The following XRRA1 variants were observed in gnomAD, a reference collection of about 807,000 sequenced individuals.
XRRA1 encodes the protein X-ray radiation resistance associated 1.
Under a neutral mutation model 80.2 loss-of-function variants are expected in XRRA1, and 69 were observed. That is an observed-to-expected ratio of 0.86 (90% confidence interval 0.71 to 1.05). XRRA1 has a LOEUF of 1.05. XRRA1 is among the 50% of genes least tolerant of loss of function. XRRA1 has a pLI of 0.00. For missense variants in XRRA1, 967 were observed against 976.4 expected (o/e 0.99, Z 0.13); for synonymous variants, 348 against 389.9 (o/e 0.89, Z 1.27).
chr11:74,906,851 C>G, intron 9 of XRRA1: 1 of 406,172 alleles, frequency 2.5e-6, no homozygotes, highest in Non-Finnish European at 4.4e-6. Flanking sequence ...AAAAAATTTT[C>G]CTGTCTCTAC....
chr11:74,910,854 G>A (rs1017742792), intron 8 of XRRA1: 2 of 152,292 alleles, frequency 1.3e-5, no homozygotes, highest in African/African-American at 2.4e-5. Flanking sequence ...GTGATTGAAT[G>A]TATGTGTGGA....
At chr11:74,891,771 G>A (rs1459145320) in intron 10 of XRRA1, among the ~76,000 whole-genome samples, 1 of 151,952 alleles carries the variant, frequency 6.6e-6, no homozygotes, top group Admixed American at 6.5e-5. Flanking sequence ...CAGACAAACA[G>A]AGAGCCAAAT....
intron 3 of XRRA1, among the ~76,000 whole-genome samples, chr11:74,939,849 GAGAGAGAGAGAGAGCGAGAGCA>G (rs1375869281): frequency 9.9e-5 from 15 of 151,816 alleles, no homozygotes; most frequent in Admixed American, 2.0e-4. Flanking sequence ...GACATAGAGA[GAGAGAGAGAGAGAGCGAGAGCA>G]AGAGAGAGAG....
chr11:74,892,334 G>C (rs2050987951), intron 10 of XRRA1, among the ~76,000 whole-genome samples: 1 of 152,284 alleles, frequency 6.6e-6, no homozygotes, highest in East Asian at 1.9e-4. Context: ...AGTGGTGCCG[G>C]GAAAACTGCC....
At chr11:74,886,271 T>C (rs76799207) in intron 10 of XRRA1, among the ~76,000 whole-genome samples, 3,225 of 152,278 alleles carry the variant, frequency 0.021, 107 homozygotes, top group African/African-American at 0.074. Flanking sequence ...GAAGTCAGAC[T>C]ATCTCTGTTT....
At chr11:74,934,014 C>A in intron 4 of XRRA1, 142 bp from the exon 5 acceptor site, 1 of 755,986 alleles carries the variant, frequency 1.3e-6, no homozygotes, top group South Asian at 2.0e-5. Flanking sequence ...TTCATTCATT[C>A]ATTATTCATC....
At chr11:74,905,235 G>C (rs867408749) in intron 10 of XRRA1, among the ~76,000 whole-genome samples, 1 of 151,974 alleles carries the variant, frequency 6.6e-6, no homozygotes, top group African/African-American at 2.4e-5. Flanking sequence ...ATAGGGTCTC[G>C]TTCTGTCATC....
At chr11:74,905,118 A>G (rs1175923437) in intron 10 of XRRA1, among the ~76,000 whole-genome samples, 2 of 152,156 alleles carry the variant, frequency 1.3e-5, no homozygotes, top group African/African-American at 2.4e-5. Context: ...CAGTGGCGTG[A>G]TCATAGCTCA....
At chr11:74,883,238 A>G (rs998469294) in intron 10 of XRRA1, among the ~76,000 whole-genome samples, 1 of 152,240 alleles carries the variant, frequency 6.6e-6, no homozygotes, top group African/African-American at 2.4e-5. Flanking sequence ...AGCCCGTTGG[A>G]AAAGCGCAGT....
Position 74,843,324 on chromosome 11 carries a change from A to T in XRRA1, c.2279T>A (p.Phe760Tyr), listed in dbSNP as rs775559033. The T allele has an allele frequency of 3.7e-6, 6 of 1,607,820 alleles. No homozygotes were observed. In the South Asian group the frequency reaches 6.7e-5, roughly 18 times the overall value. Residue 760 changes from phenylalanine to tyrosine, a missense_variant, in exon 19 of 19, where the codon TTC becomes TAC. Phe to Tyr is a conservative substitution (Grantham distance 22). Transcript: ENST00000684022. ...QLVSGSLRTV[F>Y]GTTPLPMACP... ...GGCCATGGGGAGCGGGGTAGTCCCG[A>T]ACACTGTGCGCAGAGAGCCACTCAC...
intron 10 of XRRA1, among the ~76,000 whole-genome samples, chr11:74,896,130 T>G (rs1283224752): frequency 6.6e-6 from 1 of 152,190 alleles, no homozygotes; most frequent in African/African-American, 2.4e-5. Flanking sequence ...AAACAGAAGT[T>G]TGAGAAAAGC....
chr11:74,919,699 T>C, intron 8 of XRRA1: 1 of 516,842 alleles, frequency 1.9e-6, no homozygotes, highest in Non-Finnish European at 3.8e-6. Context: ...GGAGTGGGCT[T>C]CAAGAAGCAT....
At chr11:74,864,421 C>T (rs2042950234) in intron 10 of XRRA1, among the ~76,000 whole-genome samples, 1 of 152,204 alleles carries the variant, frequency 6.6e-6, no homozygotes, top group South Asian at 2.1e-4. Context: ...CACACCCGCC[C>T]ACAGTCAAAA....
chr11:74,904,863 A>G (rs1192631640), intron 10 of XRRA1, among the ~76,000 whole-genome samples: 1 of 151,610 alleles, frequency 6.6e-6, no homozygotes, highest in Non-Finnish European at 1.5e-5. Flanking sequence ...CACAAACCTA[A>G]TAACAGAGAA....
intron 10 of XRRA1, among the ~76,000 whole-genome samples, chr11:74,903,377 G>A (rs1238963933): frequency 2.6e-5 from 4 of 152,196 alleles, no homozygotes. Context: ...TGTGTTTAGA[G>A]CATATATTGT....
At chr11:74,902,317 G>A (rs2137934854) in intron 10 of XRRA1, among the ~76,000 whole-genome samples, 1 of 152,272 alleles carries the variant, frequency 6.6e-6, no homozygotes, top group Admixed American at 6.5e-5. Context: ...ACTGTTGCTG[G>A]GAATGTAAAT....
In XRRA1 at chr11:74,906,338, G is replaced by A; in HGVS notation, c.904C>T (p.Pro302Ser). The change falls in exon 10 of 19, where the codon CCC becomes TCC. Residue 302 changes from proline (P) to serine (S), a missense_variant. Transcript: ENST00000684022. ...NGGRGSPHKE[P>S]QFMLQSKPRM... ...GGCTTGGACTGCAGCATGAATTGGG[G>A]CTCTTTATGGGGACTTCCCCTGCCT... The A allele has an allele frequency of 6.2e-7, 1 of 1,614,004 alleles. No individual in the cohort carries two copies. The highest frequency in any genetic ancestry group is 8.5e-7 in the Non-Finnish European group (1 of 1,179,902).
intron 10 of XRRA1, among the ~76,000 whole-genome samples, chr11:74,901,179 A>T (rs996998972): frequency 6.6e-6 from 1 of 152,188 alleles, no homozygotes; most frequent in Non-Finnish European, 1.5e-5. Context: ...AAAAAGAAAT[A>T]AAAAAGGAAT....
In XRRA1 at chr11:74,937,047, A is replaced by C. The variant is rs1454903236; in HGVS notation, c.116T>G (p.Val39Gly). ...CTTCTTCTTGAGGTTACCTTTCTGA[A>C]CCACTAACCAGTGTCCTTGGCCTGT... ...PEEGQGHWLV[V>G]QKGNLKKKPK... is the part of the protein sequence containing the mutation. The change falls in exon 4 of 19, where the codon GTT becomes GGT. Residue 39 changes from valine to glycine, a missense_variant. Coordinates refer to ENST00000684022, the MANE Select transcript of XRRA1 (RefSeq NM_001378157.1). 6.2e-7 allele frequency: 1 copy of C among 1,613,780 alleles called. No individual in the cohort carries two copies. The highest frequency in any genetic ancestry group is 8.5e-7 in the Non-Finnish European group (1 of 1,179,842).
Sources: gnomAD v4.1 joint callset for allele counts (sites outside exome capture counted in the v4.1 genomes callset) on GRCh38, gnomAD v4.1.1 for gene constraint, MANE v1.5 for transcripts, NCBI Gene and HGNC (gene_info 2026-07-23, HGNC 2026-07-21) for gene names.